Variants in TECRL observed in about 807,000 individuals in gnomAD.
TECRL encodes the protein trans-2,3-enoyl-CoA reductase-like.
Under a neutral mutation model 52.8 loss-of-function variants are expected in TECRL, and 63 were observed. That is an observed-to-expected ratio of 1.19 (90% CI 0.97 to 1.47). The LOEUF (loss-of-function observed/expected upper bound fraction) is 1.47. Among genes scored for constraint, TECRL ranks in the 40% most tolerant of loss-of-function variants. The probability of loss-of-function intolerance (pLI) is 0.00; values close to 1 mark genes in which losing one functional copy is unlikely to be tolerated. For synonymous variants in TECRL, 164 were observed against 141.9 expected (o/e 1.16, Z -1.10); for missense variants, 482 against 429.6 (o/e 1.12, Z -1.08).
At chr4:64,371,242 T>C (rs1463123667) in intron 2 of TECRL, among the ~76,000 whole-genome samples, 1 of 151,292 alleles carries the variant, frequency 6.6e-6, no homozygotes, top group Non-Finnish European at 1.5e-5. Flanking sequence ...GTAATTTACA[T>C]TGTAAATTAT....
intron 1 of TECRL, among the ~76,000 whole-genome samples, chr4:64,399,370 C>T (rs1483794821): frequency 6.6e-6 from 1 of 152,122 alleles, no homozygotes; most frequent in Admixed American, 6.5e-5. Flanking sequence ...AAAAATGTAG[C>T]CTGGCCACAC....
intron 5 of TECRL, among the ~76,000 whole-genome samples, chr4:64,312,631 G>T (rs1290593733): frequency 6.6e-6 from 1 of 151,910 alleles, no homozygotes; most frequent in Non-Finnish European, 1.5e-5. Flanking sequence ...GGTTGTGATG[G>T]TGTGTACACC....
intron 7 of TECRL, among the ~76,000 whole-genome samples, chr4:64,301,766 G>A (rs1307363433): frequency 6.6e-6 from 1 of 151,136 alleles, no homozygotes; most frequent in Non-Finnish European, 1.5e-5. Flanking sequence ...ACATTAGGCA[G>A]AGTACAGTAA....
rs1720535873 is a variant in TECRL, at chr4:64,353,385, G to A, written c.286+21787C>T. On this transcript the variant is annotated intron_variant, in intron 2 of 11. Transcript: ENST00000381210. ...AATACATGAATAAGGCATCCAACAG[G>A]AGACTATTATAGGTATACAGATTAA... 5.3e-5 allele frequency among the ~76,000 whole-genome samples: 8 copies of A among 152,126 alleles called. No individual in the cohort carries two copies. The South Asian group carries it at 1.7e-3, about 32-fold the overall frequency.
chr4:64,277,958 A>G lies in TECRL; in HGVS notation c.*2114T>C, dbSNP rs1388623576. On this transcript the variant is annotated 3_prime_UTR_variant, in exon 12 of 12. Coordinates refer to ENST00000381210, the MANE Select transcript of TECRL (RefSeq NM_001010874.5). ...GTATTTAAAGATGTAAAAATAGAAC[A>G]AATTTTTTCCACTCTGAATGTGCCC... is the stretch of plus-strand genomic sequence containing the variant. 1 of 151,726 alleles carries G rather than the reference A, an allele frequency of 6.6e-6. No individual in the cohort carries two copies. The highest frequency in any genetic ancestry group is 2.4e-5 in the African/African-American group (1 of 41,394). 9.4% of individuals were successfully genotyped at this position (151,726 alleles called of 1,614,324 possible). A position where few individuals can be genotyped will look rare whatever the true frequency, so the allele number is the denominator to read the frequency against.
At chr4:64,322,522 A>G (rs1717974763) in intron 4 of TECRL, among the ~76,000 whole-genome samples, 167 bp downstream of exon 4, 1 of 151,736 alleles carries the variant, frequency 6.6e-6, no homozygotes, top group Non-Finnish European at 1.5e-5. Context: ...TATTGCTCCA[A>G]TACTTGAGTA....
At chr4:64,315,568 A>G (rs1717440837) in intron 4 of TECRL, among the ~76,000 whole-genome samples, 1 of 151,120 alleles carries the variant, frequency 6.6e-6, no homozygotes, top group Non-Finnish European at 1.5e-5. Context: ...ACAATAATAA[A>G]TTTGACTACC....
chr4:64,408,585 A>C (rs1724886845), intron 1 of TECRL, among the ~76,000 whole-genome samples: 1 of 151,962 alleles, frequency 6.6e-6, no homozygotes, highest in African/African-American at 2.4e-5. Context: ...AAGCAAGTAA[A>C]CTTTCATAAA....
chr4:64,407,989 A>G (rs1044381829), intron 1 of TECRL, among the ~76,000 whole-genome samples: 4 of 151,738 alleles, frequency 2.6e-5, no homozygotes, highest in African/African-American at 4.8e-5. Flanking sequence ...TAGAAAAAGC[A>G]TATGATTTAA....
At chr4:64,305,662 A>G (rs1302355084) in intron 6 of TECRL, among the ~76,000 whole-genome samples, 2 of 152,164 alleles carry the variant, frequency 1.3e-5, no homozygotes, top group African/African-American at 4.8e-5. Context: ...AACAATCCTG[A>G]CCACATTATA....
chr4:64,292,300 AG>A (rs1723436166), intron 8 of TECRL, among the ~76,000 whole-genome samples: 1 of 152,020 alleles, frequency 6.6e-6, no homozygotes, highest in South Asian at 2.1e-4. Context: ...TAATAAACAA[AG>A]TTTGGGGCAG....
intron 2 of TECRL, among the ~76,000 whole-genome samples, chr4:64,348,027 T>A (rs1720112722): frequency 6.6e-6 from 1 of 152,270 alleles, no homozygotes; most frequent in South Asian, 2.1e-4. Context: ...AGTTCCAAAG[T>A]TGCTTCCACA....
At position 64,280,200 on chromosome 4, in the gene TECRL, C is replaced by T; in HGVS notation, c.965-1G>A. On this transcript the variant is annotated splice_acceptor_variant, in intron 11 of 11. Coordinates refer to ENST00000381210, the MANE Select transcript of TECRL (RefSeq NM_001010874.5). LOFTEE classifies it high-confidence loss of function. Reference sequence around the variant, plus strand: ...CTCATCAGAAGTGTAAAAATTCCAACTAGAAGAAAAAAGAAATAATTATTA... The same window carrying T: ...CTCATCAGAAGTGTAAAAATTCCAATTAGAAGAAAAAAGAAATAATTATTA... The T allele has an allele frequency of 6.7e-7, 1 of 1,493,912 alleles. No homozygotes were observed. Among genetic ancestry groups the T allele is most frequent in the African/African-American group, 1.4e-5 (1 of 69,760 alleles). 92.5% of individuals were successfully genotyped at this position (1,493,912 alleles called of 1,614,324 possible).
At chr4:64,373,745 C>T (rs1722143210) in intron 2 of TECRL, among the ~76,000 whole-genome samples, 1 of 151,282 alleles carries the variant, frequency 6.6e-6, no homozygotes, top group Non-Finnish European at 1.5e-5. Context: ...CTACTTACTA[C>T]TGTAATCTAA....
chr4:64,286,307 G>C (rs977556802), intron 9 of TECRL, among the ~76,000 whole-genome samples: 30 of 151,884 alleles, frequency 2.0e-4, no homozygotes, highest in Admixed American at 2.0e-3. Flanking sequence ...AACTTTCCCA[G>C]TAATATGAAA....
At chr4:64,393,428 A>G (rs144793433) in intron 1 of TECRL, among the ~76,000 whole-genome samples, 2 of 152,166 alleles carry the variant, frequency 1.3e-5, no homozygotes, top group African/African-American at 4.8e-5. Flanking sequence ...TGCCTTATCC[A>G]TCAGAATCTT....
At chr4:64,409,020 G>C in intron 1 of TECRL, 98 bp downstream of exon 1, 1 of 1,090,696 alleles carries the variant, frequency 9.2e-7, no homozygotes, top group Non-Finnish European at 1.3e-6. Context: ...ATGTATTTCA[G>C]AACAGTCGTG....
chr4:64,297,697 A>G (rs184916305), intron 8 of TECRL, among the ~76,000 whole-genome samples: 1 of 151,374 alleles, frequency 6.6e-6, no homozygotes, highest in East Asian at 1.9e-4. Context: ...ATACATATAT[A>G]TTCAGTTATT....
intron 8 of TECRL, among the ~76,000 whole-genome samples, chr4:64,293,264 G>A (rs895619418): frequency 2.6e-5 from 4 of 151,794 alleles, no homozygotes; most frequent in African/African-American, 9.7e-5. Context: ...ACTTTTTCAG[G>A]ACCCTCTATA....
Sources: allele counts gnomAD v4.1 joint callset (sites outside exome capture counted in the v4.1 genomes callset), GRCh38; gene constraint gnomAD v4.1.1; transcripts MANE v1.5; gene names NCBI Gene and HGNC (gene_info 2026-07-23, HGNC 2026-07-21).